The following BHLHE40 variants were observed in gnomAD, a reference collection of about 807,000 sequenced individuals.
The protein encoded by BHLHE40 is basic helix-loop-helix family member e40.
In BHLHE40, 3 loss-of-function variants were observed where a neutral mutation model predicts 35.7. That is an observed-to-expected ratio of 0.08 (90% CI 0.04 to 0.22). The LOEUF is 0.22. BHLHE40 is among the 10% of genes least tolerant of loss of function. BHLHE40 has a pLI of 1.00. For synonymous variants in BHLHE40, 236 were observed against 213.0 expected, an observed-to-expected ratio of 1.11 and a Z score of -0.94; for missense variants, 486 against 524.0, an observed-to-expected ratio of 0.93 and a Z score of 0.71.
rs2053183581 is a variant in BHLHE40, at chr3:4,980,551, T to C, written c.258+143T>C. The C allele has an allele frequency of 1.1e-5, 7 of 645,148 alleles. No individual in the cohort carries two copies. The Admixed American group carries it at 1.8e-4, about 17-fold the overall frequency. 40.0% of individuals were successfully genotyped at this position (645,148 alleles called of 1,614,324 possible). A position where few individuals can be genotyped will look rare whatever the true frequency, so the allele number is the denominator to read the frequency against. On this transcript the variant is annotated intron_variant, in intron 3 of 4. Coordinates refer to ENST00000256495, the MANE Select transcript of BHLHE40 (RefSeq NM_003670.3). ...GGGTGGCTCTGCGGTGGGGTCCTCC[T>C]CCACAGTCCTGGCGTTTTCTGGCTG...
At chr3:4,980,620 G>C (rs1237963437) in intron 3 of BHLHE40, among the ~76,000 whole-genome samples, 2 of 152,196 alleles carry the variant, frequency 1.3e-5, no homozygotes, top group African/African-American at 4.8e-5. Context: ...TCTCCAAGTT[G>C]GCTCCAACAC....
chr3:4,984,226 G>A lies in BHLHE40; in HGVS notation c.*534G>A, dbSNP rs1448564296. The A allele has an allele frequency of 6.5e-6, 1 of 154,236 alleles. No individual in the cohort carries two copies. Among genetic ancestry groups the A allele is most frequent in the African/African-American group, 2.4e-5 (1 of 41,422 alleles). 9.6% of individuals were successfully genotyped at this position (154,236 alleles called of 1,614,324 possible). On this transcript the variant is annotated 3_prime_UTR_variant, in exon 5 of 5. Coordinates refer to ENST00000256495, the MANE Select transcript of BHLHE40 (RefSeq NM_003670.3). ...GTCGGGGAGAGAGAGCAGTCAGACC[G>A]AGCTTTCTGCTAACATGGGGAGGTA...
intron 4 of BHLHE40, among the ~76,000 whole-genome samples, chr3:4,982,263 T>C (rs1269651669): frequency 1.3e-5 from 2 of 152,258 alleles, no homozygotes; most frequent in African/African-American, 2.4e-5. Context: ...TGGTCATACC[T>C]AATGTCTTGA....
rs1219870257 is a variant in BHLHE40, at chr3:4,983,852, GTGTA to G, written c.*164_*167del. On this transcript the variant is annotated 3_prime_UTR_variant, in exon 5 of 5. Coordinates refer to ENST00000256495, the MANE Select transcript of BHLHE40 (RefSeq NM_003670.3). This position sits in a 1 kb window ranked among gnomAD's most constrained non-coding sequence, Gnocchi z 5.0. ...AGGGTGTGTGTGTGTGTGTGTGTGT[GTGTA>G]TGTGCGTGTGCGTGCACATGTGTGC... 107 of 951,300 alleles carry G rather than the reference GTGTA, an allele frequency of 1.1e-4. No individual in the cohort carries two copies. Among genetic ancestry groups the G allele is most frequent in the Middle Eastern group, 3.0e-4 (1 of 3,298 alleles). The allele number at this position is 951,300 out of a possible 1,614,324, so 58.9% of individuals were successfully genotyped here. A position where few individuals can be genotyped will look rare whatever the true frequency, so the allele number is the denominator to read the frequency against.
chr3:4,981,356 T>G (rs955404921), intron 3 of BHLHE40, 36 bp from the exon 4 acceptor site: 2 of 1,610,550 alleles, frequency 1.2e-6, no homozygotes, highest in Non-Finnish European at 1.7e-6. Context: ...GGGACTTCTC[T>G]GACCTCACCG....
At chr3:4,982,498 C>T (rs552410423) in intron 4 of BHLHE40, among the ~76,000 whole-genome samples, 45 of 152,286 alleles carry the variant, frequency 3.0e-4, no homozygotes, top group Middle Eastern at 6.8e-3. Context: ...ATGTTCTTTG[C>T]TGCCTCGCTT....
chr3:4,983,891 G>A lies in BHLHE40; in HGVS notation c.*199G>A. ...GCGTGCACATGTGTGCCTGCGTGTT[G>A]GTATAGGACTTTAAAGCTCCTTTTG... is the stretch of plus-strand genomic sequence containing the variant. On this transcript the variant is annotated 3_prime_UTR_variant, in exon 5 of 5. Transcript: ENST00000256495. This position sits in a 1 kb window ranked among gnomAD's most constrained non-coding sequence, Gnocchi z 5.0. The A allele has an allele frequency of 2.8e-6, 2 of 705,700 alleles. No homozygotes were observed. The highest frequency in any genetic ancestry group is 4.5e-6 in the Non-Finnish European group (2 of 448,812). The allele number at this position is 705,700 out of a possible 1,614,324, so 43.7% of individuals were successfully genotyped here. A position where few individuals can be genotyped will look rare whatever the true frequency, so the allele number is the denominator to read the frequency against.
Position 4,983,053 on chromosome 3 carries a change from C to G in BHLHE40, c.600C>G (p.Asp200Glu), listed in dbSNP as rs780329841. Residue 200 changes from aspartate (D) to glutamate (E), a missense_variant, in exon 5 of 5, where the codon GAC becomes GAG. Physicochemically the swap from Asp to Glu is conservative, Grantham distance 45 (BLOSUM62 2). This residue lies in a region of BHLHE40 where 176 missense variants were observed against 180.5 expected (regional missense o/e 0.98). Transcript: ENST00000256495. The surrounding 1 kb of genome is among the most constrained non-coding windows in gnomAD (Gnocchi z 5.0). ...KPSDPAPKVM[D>E]FKEKPSSPAK... is the part of the protein sequence containing the mutation. ...CAGACCCAGCTCCCAAAGTGATGGACTTCAAGGAAAAACCCAGCTCTCCGG... is the reference window on the plus strand; with the variant it reads ...CAGACCCAGCTCCCAAAGTGATGGAGTTCAAGGAAAAACCCAGCTCTCCGG... 2 of 1,614,042 alleles carry G rather than the reference C, an allele frequency of 1.2e-6. No homozygotes were observed. The highest frequency in any genetic ancestry group is 3.3e-5 in the Admixed American group (2 of 60,000).
chr3:4,983,799 GAT>G lies in BHLHE40; in HGVS notation c.*109_*110del. ...AAGATTGTTGCATTGTGTATACTGA[GAT>G]AATCTGAGGCATGGAGAGCAGATTC... On this transcript the variant is annotated 3_prime_UTR_variant, in exon 5 of 5. Transcript: ENST00000256495. The surrounding 1 kb of genome is among the most constrained non-coding windows in gnomAD (Gnocchi z 5.0). 7.1e-7 allele frequency: 1 copy of G among 1,399,694 alleles called. No homozygotes were observed. Among genetic ancestry groups the G allele is most frequent in the African/African-American group, 1.4e-5 (1 of 69,444 alleles). 86.7% of individuals were successfully genotyped at this position (1,399,694 alleles called of 1,614,324 possible).
Position 4,984,015 on chromosome 3 carries a change from G to T in BHLHE40, c.*323G>T, listed in dbSNP as rs2053226103. On this transcript the variant is annotated 3_prime_UTR_variant, in exon 5 of 5. Transcript: ENST00000256495. ...CCCCACCCAGAGAATAGCCCCCTTC[G>T]ATACACATCAGCTGGATTTTCAAAA... The T allele has an allele frequency of 3.6e-6, 1 of 281,672 alleles. No homozygotes were observed. The highest frequency in any genetic ancestry group is 4.8e-5 in the Admixed American group (1 of 20,684). 17.4% of individuals were successfully genotyped at this position (281,672 alleles called of 1,614,324 possible).
chr3:4,982,154 A>G (rs2053203530), intron 4 of BHLHE40, among the ~76,000 whole-genome samples: 1 of 152,162 alleles, frequency 6.6e-6, no homozygotes, highest in East Asian at 1.9e-4. Flanking sequence ...CCACTCCCTC[A>G]TTTCATGCTT....
Position 4,979,701 on chromosome 3 carries a change from G to T in BHLHE40, c.-18G>T. The T allele has an allele frequency of 6.4e-7, 1 of 1,551,226 alleles. No homozygotes were observed. Among genetic ancestry groups the T allele is most frequent in the Non-Finnish European group, 8.7e-7 (1 of 1,147,456 alleles). On this transcript the variant is annotated 5_prime_UTR_variant, in exon 1 of 5. Coordinates refer to ENST00000256495, the MANE Select transcript of BHLHE40 (RefSeq NM_003670.3). ...CTAGTGCAGACAGGAGCGCGCAGTG[G>T]CCCCGGCTCGCCGCGCCATGGAGCG...
rs754267877 is a variant in BHLHE40, at chr3:4,983,575, C to T, written c.1122C>T (p.Pro374=). ...SFMNPDKISA[P]LLMPQRLPSP... is the part of the protein sequence containing the mutation. ...TGAACCCAGACAAGATCTCGGCTCC[C>T]TTGCTCATGCCCCAGAGACTCCCTT... The change falls in exon 5 of 5, where the codon CCC becomes CCT. Residue 374 remains proline, a synonymous_variant. Coordinates refer to ENST00000256495, the MANE Select transcript of BHLHE40 (RefSeq NM_003670.3). This position sits in a 1 kb window ranked among gnomAD's most constrained non-coding sequence, Gnocchi z 5.0. 3.2e-5 allele frequency: 52 copies of T among 1,614,206 alleles called. No homozygotes were observed. The highest frequency in any genetic ancestry group is 4.4e-5 in the Non-Finnish European group (52 of 1,180,030).
In BHLHE40 at chr3:4,983,859, TGC is replaced by T; in HGVS notation, c.*169_*170del. ...GTGTGTGTGTGTGTGTGTGTGTATG[TGC>T]GTGTGCGTGCACATGTGTGCCTGCG... On this transcript the variant is annotated 3_prime_UTR_variant, in exon 5 of 5. Coordinates refer to ENST00000256495, the MANE Select transcript of BHLHE40 (RefSeq NM_003670.3). This position sits in a 1 kb window ranked among gnomAD's most constrained non-coding sequence, Gnocchi z 5.0. 1.1e-6 allele frequency: 1 copy of T among 942,296 alleles called. No individual in the cohort carries two copies. The highest frequency in any genetic ancestry group is 1.6e-6 in the Non-Finnish European group (1 of 644,372). 58.4% of individuals were successfully genotyped at this position (942,296 alleles called of 1,614,324 possible).
In BHLHE40 at chr3:4,980,322, CG is replaced by C; in HGVS notation, c.174del (p.Leu59SerfsTer17). The C allele has an allele frequency of 6.2e-7, 1 of 1,614,062 alleles. No individual in the cohort carries two copies. Among genetic ancestry groups the C allele is most frequent in the Non-Finnish European group, 8.5e-7 (1 of 1,179,988 alleles). On this transcript the variant is annotated frameshift_variant, in exon 3 of 5. Transcript: ENST00000256495. LOFTEE classifies it high-confidence loss of function. ...GCAGGAGACCTACAAATTGCCGCAC[CG>C]GCTCATCGAGAAAAAGAGACGTGAC... ...DSKETYKLPH[R>X]LIEKKRRDRI...
At chr3:4,982,414 C>T (rs544091646) in intron 4 of BHLHE40, among the ~76,000 whole-genome samples, 40 of 152,306 alleles carry the variant, frequency 2.6e-4, no homozygotes, top group African/African-American at 8.9e-4. Flanking sequence ...CATTTTATAA[C>T]TATCCAGCCT....
rs2053218150 is a variant in BHLHE40 at position 4,983,419 on chromosome 3, C to T, written c.966C>T (p.Cys322=). Residue 322 remains cysteine (C), a synonymous_variant, in exon 5 of 5, where the codon TGC becomes TGT. Coordinates refer to ENST00000256495, the MANE Select transcript of BHLHE40 (RefSeq NM_003670.3). This position sits in a 1 kb window ranked among gnomAD's most constrained non-coding sequence, Gnocchi z 5.0. The part of the protein sequence containing the change: ...LGPHPHQPPF[C]LPFYLIPPSA... ...CACACCCACACCAGCCTCCTTTCTG[C>T]CTGCCCTTCTACCTGATCCCACCTT... The T allele has an allele frequency of 6.2e-7, 1 of 1,614,218 alleles. No homozygotes were observed. The highest frequency in any genetic ancestry group is 8.5e-7 in the Non-Finnish European group (1 of 1,180,044).
chr3:4,980,384 C>A lies in BHLHE40; in HGVS notation c.234C>A (p.Leu78=). The A allele has an allele frequency of 6.2e-7, 1 of 1,614,018 alleles. No homozygotes were observed. The highest frequency in any genetic ancestry group is 1.1e-5 in the South Asian group (1 of 91,064). Residue 78 remains leucine, a synonymous_variant, in exon 3 of 5, where the codon CTC becomes CTA. Coordinates refer to ENST00000256495, the MANE Select transcript of BHLHE40 (RefSeq NM_003670.3). The part of the protein sequence containing the change: ...INECIAQLKD[L]LPEHLKLTTL... ...AGTGCATCGCCCAGCTGAAGGATCT[C>A]CTACCCGAACATCTCAAACTTACAG...
intron 1 of BHLHE40, 74 bp from the exon 2 acceptor site, chr3:4,979,888 G>T (rs1357011576): frequency 6.2e-7 from 1 of 1,608,878 alleles, no homozygotes; most frequent in South Asian, 1.1e-5. Context: ...GGCGCACCGG[G>T]AGGTTCTTGC....
Sources: allele counts gnomAD v4.1 joint callset (sites outside exome capture counted in the v4.1 genomes callset), GRCh38; gene constraint gnomAD v4.1.1; regional missense constraint gnomAD v4.1.1; non-coding constraint Gnocchi (gnomAD v3.1); transcripts MANE v1.5; gene names NCBI Gene and HGNC (gene_info 2026-07-23, HGNC 2026-07-21).